Variants in TET3 observed in about 807,000 individuals in gnomAD.
The protein encoded by TET3 is tet methylcytosine dioxygenase 3.
TET3 carries 19 observed loss-of-function variants against 141.4 expected under a neutral mutation model. That is an observed-to-expected ratio of 0.13 (90% CI 0.09 to 0.20). The LOEUF (loss-of-function observed/expected upper bound fraction) is 0.20, where lower values mean the gene tolerates loss of function less well. Ranked by LOEUF, TET3 falls within the 10% of genes least tolerant of loss-of-function variation. The pLI, the probability that TET3 is intolerant of heterozygous loss-of-function variation, is 1.00. For missense variants in TET3, 1,874 were observed against 2,356.9 expected, an observed-to-expected ratio of 0.80 and a Z score of 4.24; for synonymous variants, 1,043 against 980.9, an observed-to-expected ratio of 1.06 and a Z score of -1.18.
chr2:74,043,703 C>G (rs1230297164), intron 3 of TET3, among the ~76,000 whole-genome samples: 1 of 152,134 alleles, frequency 6.6e-6, no homozygotes, highest in Non-Finnish European at 1.5e-5. Flanking sequence ...TCTTTTGTGG[C>G]CAGAATGGGG....
intron 3 of TET3, among the ~76,000 whole-genome samples, chr2:74,019,171 C>T (rs180991323): frequency 1.6e-3 from 243 of 152,294 alleles, no homozygotes; most frequent in Non-Finnish European, 2.7e-3. Flanking sequence ...GTGGGAGGAT[C>T]GCTGTAGCCC....
intron 3 of TET3, among the ~76,000 whole-genome samples, chr2:74,015,580 T>C (rs1685687168): frequency 6.6e-6 from 1 of 152,238 alleles, no homozygotes; most frequent in Non-Finnish European, 1.5e-5. Flanking sequence ...GCCTTTTACA[T>C]GACTATTGAA....
intron 4 of TET3, among the ~76,000 whole-genome samples, chr2:74,072,140 C>A (rs891748173): frequency 6.6e-6 from 1 of 152,172 alleles, no homozygotes; most frequent in South Asian, 2.1e-4. Context: ...CTTTTTGTTT[C>A]TATAGATTTA....
intron 3 of TET3, among the ~76,000 whole-genome samples, chr2:74,034,316 C>T (rs1686911992): frequency 6.6e-6 from 1 of 151,200 alleles, no homozygotes; most frequent in African/African-American, 2.4e-5. Context: ...ACAGATAAAG[C>T]ATAATAATAA....
At chr2:74,112,440 CAAAT>C (rs981174075), downstream of TET3, among the ~76,000 whole-genome samples, 94 of 151,954 alleles carry the variant, frequency 6.2e-4, no homozygotes, top group African/African-American at 2.1e-3. Context: ...AAAACCGCTC[CAAAT>C]AAAGAAAATT....
In TET3 at chr2:73,986,649, G is replaced by C. The variant is rs1432779465; in HGVS notation, c.246G>C (p.Gln82His). 7.3e-6 allele frequency: 9 copies of C among 1,232,158 alleles called. No individual in the cohort carries two copies. Among genetic ancestry groups the C allele is most frequent in the Non-Finnish European group, 9.1e-6 (9 of 987,978 alleles). The allele number at this position is 1,232,158 out of a possible 1,614,324, so 76.3% of individuals were successfully genotyped here. A position where few individuals can be genotyped will look rare whatever the true frequency, so the allele number is the denominator to read the frequency against. The change falls in exon 2 of 12, where the codon CAG becomes CAC. Residue 82 changes from glutamine to histidine, a missense_variant. This residue lies in a region of TET3 where 366 missense variants were observed against 487.0 expected (regional missense o/e 0.75). Transcript: ENST00000409262. ...GCTGTACCAACCGCCGCACGCACCA[G>C]ATCTGCAAACTGCGAAAATGTGAGG... is the stretch of plus-strand genomic sequence containing the variant. ...CTSCTNRRTH[Q>H]ICKLRKCEVL...
intron 3 of TET3, among the ~76,000 whole-genome samples, chr2:74,029,130 T>C (rs61574140): frequency 0.027 from 4,071 of 152,284 alleles, 176 homozygotes; most frequent in African/African-American, 0.092. Context: ...CCCCAAAGGC[T>C]TACTAGACAC....
intron 5 of TET3, 41 bp from the exon 6 acceptor site, chr2:74,080,457 G>A: frequency 1.9e-6 from 3 of 1,576,388 alleles, no homozygotes; most frequent in Non-Finnish European, 2.6e-6. Flanking sequence ...TCTCCTTTGG[G>A]GTTCTGCTGT....
chr2:74,090,868 C>T (rs771711790), intron 8 of TET3, among the ~76,000 whole-genome samples: 5 of 152,216 alleles, frequency 3.3e-5, no homozygotes, highest in African/African-American at 4.8e-5. Context: ...GGCTCCTGAG[C>T]GGGTGGAGTG....
chr2:74,048,275 G>A lies in TET3; in HGVS notation c.2358G>A (p.Lys786=). The change falls in exon 4 of 12, where the codon AAG becomes AAA. Residue 786 remains lysine (K), a synonymous_variant. Transcript: ENST00000409262. Reference sequence around the variant, plus strand: ...GAGGACAGGAGGCCACACCCACCAAGGCTGAGAACCCACTCACACCCACCC... The same window carrying A: ...GAGGACAGGAGGCCACACCCACCAAAGCTGAGAACCCACTCACACCCACCC... ...EEGGQEATPT[K]AENPLTPTLS... The A allele has an allele frequency of 6.2e-7, 1 of 1,613,880 alleles. No homozygotes were observed. The highest frequency in any genetic ancestry group is 8.5e-7 in the Non-Finnish European group (1 of 1,179,836).
chr2:74,113,365 G>A, the TET3 span, among the ~76,000 whole-genome samples: 1 of 152,008 alleles, frequency 6.6e-6, no homozygotes, highest in Non-Finnish European at 1.5e-5. Context: ...CAGCCTGGGT[G>A]ACAGTGTGAG....
downstream of TET3, among the ~76,000 whole-genome samples, chr2:74,111,224 A>G (rs545249974): frequency 6.6e-6 from 1 of 152,258 alleles, no homozygotes; most frequent in African/African-American, 2.4e-5. Flanking sequence ...AGTCTTCTCC[A>G]CAGACTATAA....
chr2:74,065,358 C>T (rs1688823237), intron 4 of TET3, among the ~76,000 whole-genome samples: 1 of 152,140 alleles, frequency 6.6e-6, no homozygotes, highest in South Asian at 2.1e-4. Flanking sequence ...TCTTCTTGCT[C>T]AGATTGTCCC....
At chr2:74,081,184 A>G (rs544843640) in intron 6 of TET3, among the ~76,000 whole-genome samples, 1 of 152,178 alleles carries the variant, frequency 6.6e-6, no homozygotes, top group African/African-American at 2.4e-5. Context: ...TCACAGGGAG[A>G]ACATCAGTGA....
intron 3 of TET3, among the ~76,000 whole-genome samples, chr2:74,003,952 G>A (rs1395805921): frequency 6.6e-6 from 1 of 152,092 alleles, no homozygotes; most frequent in African/African-American, 2.4e-5. Context: ...CGTTGGCATG[G>A]ACCCGATCAG....
chr2:74,030,576 G>T (rs918984391), intron 3 of TET3, among the ~76,000 whole-genome samples: 3 of 152,184 alleles, frequency 2.0e-5, no homozygotes, highest in African/African-American at 4.8e-5. Context: ...ATTTGTTCAT[G>T]TGTTCATTTA....
chr2:74,025,093 G>A (rs572170148), intron 3 of TET3, among the ~76,000 whole-genome samples: 2 of 151,108 alleles, frequency 1.3e-5, no homozygotes, highest in Non-Finnish European at 3.0e-5. Context: ...GCGTGGTGGC[G>A]GGTGCCTGTG....
At chr2:74,122,509 A>ATTTTTT in the TET3 span, 5 of 76,258 alleles carry the variant, frequency 6.6e-5, no homozygotes, top group South Asian at 5.7e-4. Flanking sequence ...ATATATATAT[A>ATTTTTT]TATTTTTTTT....
At chr2:74,069,842 C>T (rs1558766571) in intron 4 of TET3, among the ~76,000 whole-genome samples, 1 of 152,134 alleles carries the variant, frequency 6.6e-6, no homozygotes, top group East Asian at 1.9e-4. Flanking sequence ...TCAAGTGATC[C>T]TCCCCTTGGC....
Sources: gnomAD v4.1 joint callset for allele counts (sites outside exome capture counted in the v4.1 genomes callset) on GRCh38, gnomAD v4.1.1 for gene constraint, gnomAD v4.1.1 regional missense constraint, MANE v1.5 for transcripts, NCBI Gene and HGNC (gene_info 2026-07-23, HGNC 2026-07-21) for gene names.